WNK1: variants seen among roughly 807,000 people sequenced by gnomAD.
WNK1 encodes WNK lysine deficient protein kinase 1.
In WNK1, 38 loss-of-function variants were observed where a neutral mutation model predicts 222.8. That is an observed-to-expected ratio of 0.17 (90% CI 0.13 to 0.22). The LOEUF is 0.22. WNK1 is among the 10% of genes least tolerant of loss of function. WNK1 has a pLI of 1.00. For missense variants in WNK1, 2,348 were observed against 2,918.4 expected (o/e 0.80, Z 4.50); for synonymous variants, 1,090 against 1,092.9 (o/e 1.00, Z 0.05).
At chr12:907,462 T>G (rs906400260) in intron 26 of WNK1, among the ~76,000 whole-genome samples, 13 of 152,230 alleles carry the variant, frequency 8.5e-5, no homozygotes, top group Non-Finnish European at 1.6e-4. Flanking sequence ...TTCCCTGCAT[T>G]CTGCAAAATT....
intron 1 of WNK1, among the ~76,000 whole-genome samples, chr12:809,830 C>T (rs1469572718): frequency 6.6e-6 from 1 of 152,108 alleles, no homozygotes; most frequent in Non-Finnish European, 1.5e-5. Flanking sequence ...AAATTGTTTT[C>T]TCTGTAAACT....
chr12:838,933 A>G (rs1949409402), intron 4 of WNK1, among the ~76,000 whole-genome samples: 2 of 152,194 alleles, frequency 1.3e-5, no homozygotes, highest in South Asian at 4.1e-4. Context: ...AGTCTCTTCT[A>G]TGTTCCAGAC....
At chr12:808,130 A>AG (rs74309627) in intron 1 of WNK1, among the ~76,000 whole-genome samples, 20,055 of 152,054 alleles carry the variant, frequency 0.13, 1,715 homozygotes, top group East Asian at 0.42. Context: ...CCTCACCTAT[A>AG]GTAGTTTGAG....
rs1955996165 is a variant in WNK1, at chr12:910,327, A to C, written c.*1535A>C. 1 of 152,232 alleles carries C rather than the reference A, an allele frequency of 6.6e-6. No individual in the cohort carries two copies. The highest frequency in any genetic ancestry group is 1.5e-5 in the Non-Finnish European group (1 of 68,052). 9.4% of individuals were successfully genotyped at this position (152,232 alleles called of 1,614,324 possible). A position where few individuals can be genotyped will look rare whatever the true frequency, so the allele number is the denominator to read the frequency against. Reference sequence around the variant, plus strand: ...ATCTGAATTAATCATTCTAGGAAAGAATACTTATTCCTACTCATTTCCTTT... The same window carrying C: ...ATCTGAATTAATCATTCTAGGAAAGCATACTTATTCCTACTCATTTCCTTT... On this transcript the variant is annotated 3_prime_UTR_variant, in exon 28 of 28. Coordinates refer to ENST00000315939, the MANE Select transcript of WNK1 (RefSeq NM_018979.4).
At chr12:790,473 A>G (rs1274850464) in intron 1 of WNK1, among the ~76,000 whole-genome samples, 5 of 152,128 alleles carry the variant, frequency 3.3e-5, no homozygotes, top group Non-Finnish European at 7.4e-5. Context: ...ACTTTTCCTT[A>G]TCCTTCTGAG....
chr12:885,511 T>G lies in WNK1; in HGVS notation c.4707T>G (p.Pro1569=). 2.5e-6 allele frequency: 4 copies of G among 1,614,104 alleles called. No homozygotes were observed. Among genetic ancestry groups the G allele is most frequent in the Non-Finnish European group, 3.4e-6 (4 of 1,180,014 alleles). ...SYISQPGGLH[P]LVIPSVIAST... is the part of the protein sequence containing the mutation. ...TTTCTCAGCCTGGTGGGCTGCATCC[T>G]TTGGTCATTCCATCAGTGATAGCTT... Residue 1569 remains proline, a synonymous_variant, in exon 19 of 28, where the codon CCT becomes CCG. Transcript: ENST00000315939.
chr12:890,367 AC>A, intron 21 of WNK1, 85 bp from the exon 22 acceptor site: 1 of 1,372,370 alleles, frequency 7.3e-7, no homozygotes, highest in Non-Finnish European at 1.0e-6. Context: ...CTGCCCTTTT[AC>A]AAAGACCATA....
intron 1 of WNK1, among the ~76,000 whole-genome samples, chr12:761,657 C>T (rs1941034711): frequency 6.8e-6 from 1 of 147,748 alleles, no homozygotes; most frequent in Non-Finnish European, 1.5e-5. Context: ...TGTGCACATT[C>T]TCTGTTACTA....
Position 879,642 on chromosome 12 carries a change from G to A in WNK1, c.2443G>A (p.Val815Ile). The change falls in exon 11 of 28, where the codon GTT becomes ATT. Residue 815 changes from valine to isoleucine, a missense_variant. This residue lies in a region of WNK1 where 547 missense variants were observed against 558.3 expected (regional missense o/e 0.98). Coordinates refer to ENST00000315939, the MANE Select transcript of WNK1 (RefSeq NM_018979.4). ...PQIPVATQPS[V>I]VPVHSGAHFL... ...GATCCCAGTTGCGACACAACCCTCG[G>A]TTGTTCCAGTCCACTCTGGTGCTCA... is the stretch of plus-strand genomic sequence containing the variant. 3 of 1,612,526 alleles carry A rather than the reference G, an allele frequency of 1.9e-6. No homozygotes were observed. The highest frequency in any genetic ancestry group is 2.5e-6 in the Non-Finnish European group (3 of 1,179,824).
At chr12:887,333 T>C (rs1953762013) in intron 20 of WNK1, 29 bp downstream of exon 20, 6 of 1,609,348 alleles carry the variant, frequency 3.7e-6, no homozygotes, top group Non-Finnish European at 5.1e-6. Context: ...AATTTCTTCC[T>C]GTGCCCTACT....
At position 911,099 on chromosome 12, in the gene WNK1, A is replaced by ATT. The variant is rs1481710884; in HGVS notation, c.*2309_*2310dup. 1 of 393,042 alleles carries ATT rather than the reference A, an allele frequency of 2.5e-6. No individual in the cohort carries two copies. Among genetic ancestry groups the ATT allele is most frequent in the African/African-American group, 2.1e-5 (1 of 48,504 alleles). 24.3% of individuals were successfully genotyped at this position (393,042 alleles called of 1,614,324 possible). A position where few individuals can be genotyped will look rare whatever the true frequency, so the allele number is the denominator to read the frequency against. ...CACAAAAAAAGTCAGAACTGGTGTT[A>ATT]TTTACTGTTGATTTCATCCTCCTGT... On this transcript the variant is annotated 3_prime_UTR_variant, in exon 28 of 28. Transcript: ENST00000315939.
At chr12:836,391 A>T (rs185078103) in intron 4 of WNK1, among the ~76,000 whole-genome samples, 153 of 152,354 alleles carry the variant, frequency 1.0e-3, no homozygotes, top group African/African-American at 3.5e-3. Context: ...ACATTTGAAA[A>T]AGTTGAGAAA....
chr12:908,909 C>A lies in WNK1; in HGVS notation c.*117C>A. The A allele has an allele frequency of 8.4e-7, 1 of 1,186,088 alleles. No individual in the cohort carries two copies. Among genetic ancestry groups the A allele is most frequent in the Non-Finnish European group, 1.2e-6 (1 of 827,446 alleles). The allele number at this position is 1,186,088 out of a possible 1,614,324, so 73.5% of individuals were successfully genotyped here. A position where few individuals can be genotyped will look rare whatever the true frequency, so the allele number is the denominator to read the frequency against. Reference sequence around the variant, plus strand: ...TAGTGCTGCATTTAACTGGTTATTTCTTGCCAGAGGGGAATGTTTTTAATA... The same window carrying A: ...TAGTGCTGCATTTAACTGGTTATTTATTGCCAGAGGGGAATGTTTTTAATA... On this transcript the variant is annotated 3_prime_UTR_variant, in exon 28 of 28. Transcript: ENST00000315939.
In WNK1 at chr12:885,692, C is replaced by A. The variant is rs770478100; in HGVS notation, c.4888C>A (p.Gln1630Lys). The change falls in exon 19 of 28, where the codon CAG becomes AAG. Residue 1630 changes from glutamine to lysine, a missense_variant. By Grantham distance (53) the Gln-to-Lys change is moderately conservative. Transcript: ENST00000315939. ...GCCTCAACCAGCTTTGCTTCCCAACCAGCCCCATACTCATTGTCCTGAAGT... is the reference window on the plus strand; with the variant it reads ...GCCTCAACCAGCTTTGCTTCCCAACAAGCCCCATACTCATTGTCCTGAAGT... ...SQPQPALLPN[Q>K]PHTHCPEVDS... 8.7e-6 allele frequency: 14 copies of A among 1,614,074 alleles called. No homozygotes were observed. The highest frequency in any genetic ancestry group is 1.3e-5 in the African/African-American group (1 of 74,920).
Position 753,174 on chromosome 12 carries a change from C to G in WNK1, c.-392C>G, listed in dbSNP as rs560524099. 6.0e-6 allele frequency: 1 copy of G among 167,448 alleles called. No homozygotes were observed. The highest frequency in any genetic ancestry group is 1.3e-5 in the Non-Finnish European group (1 of 78,110). The allele number at this position is 167,448 out of a possible 1,614,324, so 10.4% of individuals were successfully genotyped here. On this transcript the variant is annotated 5_prime_UTR_variant, in exon 1 of 28. Coordinates refer to ENST00000315939, the MANE Select transcript of WNK1 (RefSeq NM_018979.4). The surrounding 1 kb of genome is among the most constrained non-coding windows in gnomAD (Gnocchi z 5.2). ...CGGCGAGCGGCGGCAGTGGGAGCCGCGTCCGCCGCATCCGCCTCGACTCGG... is the reference window on the plus strand; with the variant it reads ...CGGCGAGCGGCGGCAGTGGGAGCCGGGTCCGCCGCATCCGCCTCGACTCGG...
intron 2 of WNK1, among the ~76,000 whole-genome samples, chr12:825,458 C>T (rs1471393162): frequency 6.6e-6 from 1 of 152,080 alleles, no homozygotes; most frequent in East Asian, 1.9e-4. Flanking sequence ...AAGACCTTTG[C>T]ACAAATAAGG....
At chr12:864,564 G>C (rs944323316) in intron 8 of WNK1, among the ~76,000 whole-genome samples, 2 of 152,052 alleles carry the variant, frequency 1.3e-5, no homozygotes, top group African/African-American at 4.8e-5. Context: ...CAAATAAAGA[G>C]TGGCAAGTAT....
chr12:847,169 A>G (rs2154051309), intron 4 of WNK1, among the ~76,000 whole-genome samples: 1 of 152,324 alleles, frequency 6.6e-6, no homozygotes, highest in South Asian at 2.1e-4. Context: ...TCCTCAAAAA[A>G]GCTGACCTTA....
At chr12:798,495 C>G (rs555220078) in intron 1 of WNK1, among the ~76,000 whole-genome samples, 15 of 152,272 alleles carry the variant, frequency 9.9e-5, no homozygotes, top group African/African-American at 3.1e-4. Context: ...CCCAGCCTTA[C>G]TATTGCATTT....
Sources: gnomAD v4.1 joint callset for allele counts (sites outside exome capture counted in the v4.1 genomes callset) on GRCh38, gnomAD v4.1.1 for gene constraint, gnomAD v4.1.1 regional missense constraint, Gnocchi (gnomAD v3.1) non-coding constraint, MANE v1.5 for transcripts, NCBI Gene and HGNC (gene_info 2026-07-23, HGNC 2026-07-21) for gene names.